Variants in MBD2 observed in about 807,000 individuals in gnomAD.
MBD2 encodes methyl-CpG-binding domain protein 2.
MBD2 carries 9 observed loss-of-function variants against 39.3 expected under a neutral mutation model. That is an observed-to-expected ratio of 0.23 (90% CI 0.14 to 0.40). MBD2 has a LOEUF of 0.40. Ranked by LOEUF, MBD2 falls within the 10% of genes least tolerant of loss-of-function variation. The probability of loss-of-function intolerance (pLI) is 1.00; values close to 1 mark genes in which losing one functional copy is unlikely to be tolerated. For synonymous variants in MBD2, 233 were observed against 211.1 expected, an observed-to-expected ratio of 1.10 and a Z score of -0.90; for missense variants, 458 against 532.6, an observed-to-expected ratio of 0.86 and a Z score of 1.38.
intron 6 of MBD2, among the ~76,000 whole-genome samples, chr18:54,158,953 A>G (rs2086074272): frequency 6.6e-6 from 1 of 152,188 alleles, no homozygotes; most frequent in African/African-American, 2.4e-5. Context: ...TTTAAGGTAA[A>G]GTATTTATTA....
chr18:54,209,008 T>TG (rs892326306), intron 1 of MBD2, among the ~76,000 whole-genome samples: 2 of 151,942 alleles, frequency 1.3e-5, no homozygotes, highest in Admixed American at 6.6e-5. Flanking sequence ...AAAAATGAAA[T>TG]GGGGGGCCAG....
chr18:54,187,463 C>T (rs2086293357), intron 3 of MBD2, among the ~76,000 whole-genome samples: 1 of 152,178 alleles, frequency 6.6e-6, no homozygotes, highest in Non-Finnish European at 1.5e-5. Context: ...TAGACAGTAT[C>T]TGAGAAAGAA....
At chr18:54,184,323 T>C (rs1053930539) in intron 3 of MBD2, among the ~76,000 whole-genome samples, 4 of 152,030 alleles carry the variant, frequency 2.6e-5, no homozygotes, top group Non-Finnish European at 4.4e-5. Flanking sequence ...GCGAACCCCA[T>C]TGTGCTCTGC....
At chr18:54,187,707 C>A in intron 3 of MBD2, 9 of 985,874 alleles carry the variant, frequency 9.1e-6, no homozygotes, top group Non-Finnish European at 1.1e-5. Context: ...GGATGTGATA[C>A]ACTTACATGG....
chr18:54,186,460 A>G (rs10502986), intron 3 of MBD2, among the ~76,000 whole-genome samples: 30,893 of 152,182 alleles, frequency 0.2, 4,112 homozygotes, highest in East Asian at 0.4. Flanking sequence ...GTCATCTACC[A>G]TATGTATATC....
At chr18:54,197,179 C>T in intron 2 of MBD2, among the ~76,000 whole-genome samples, 1 of 152,294 alleles carries the variant, frequency 6.6e-6, no homozygotes, top group South Asian at 2.1e-4. Context: ...CATCATCATC[C>T]CCACCTGGAC....
At chr18:54,169,502 G>A (rs549881208) in intron 3 of MBD2, among the ~76,000 whole-genome samples, 8 of 152,244 alleles carry the variant, frequency 5.3e-5, no homozygotes, top group South Asian at 4.1e-4. Context: ...TTTCTTTGGC[G>A]ATTCTGTTCA....
At chr18:54,212,249 A>C (rs1330341907) in intron 1 of MBD2, among the ~76,000 whole-genome samples, 2 of 152,184 alleles carry the variant, frequency 1.3e-5, no homozygotes, top group Non-Finnish European at 2.9e-5. Context: ...CCAAGAGCCC[A>C]GAAATACCAA....
chr18:54,180,536 A>C (rs1313596796), intron 3 of MBD2, among the ~76,000 whole-genome samples: 3 of 152,166 alleles, frequency 2.0e-5, no homozygotes, highest in Admixed American at 2.0e-4. Flanking sequence ...GAGAGAGAGA[A>C]CTATGTAGTC....
At chr18:54,168,794 C>T (rs1223327019) in intron 3 of MBD2, among the ~76,000 whole-genome samples, 1 of 151,718 alleles carries the variant, frequency 6.6e-6, no homozygotes, top group Non-Finnish European at 1.5e-5. Flanking sequence ...CCAACACTCA[C>T]TCAAAGCTAA....
chr18:54,211,054 G>C (rs2144341096), intron 1 of MBD2, among the ~76,000 whole-genome samples: 1 of 151,018 alleles, frequency 6.6e-6, no homozygotes, highest in South Asian at 2.1e-4. Flanking sequence ...TGTATTTTTA[G>C]TAGAGACGGG....
chr18:54,204,865 C>T, intron 2 of MBD2, 133 bp downstream of exon 2: 1 of 737,132 alleles, frequency 1.4e-6, no homozygotes, highest in Non-Finnish European at 2.3e-6. Flanking sequence ...CTTGCTGGGA[C>T]AGGGTGGGCA....
At chr18:54,179,689 T>A (rs1334716942) in intron 3 of MBD2, among the ~76,000 whole-genome samples, 1 of 152,180 alleles carries the variant, frequency 6.6e-6, no homozygotes, top group Non-Finnish European at 1.5e-5. Context: ...TATCCATTCA[T>A]AAGAAATATT....
At chr18:54,202,825 T>C in intron 2 of MBD2, 1 of 1,535,148 alleles carries the variant, frequency 6.5e-7, no homozygotes, top group South Asian at 1.1e-5. Context: ...GTCCCTGCCC[T>C]CATGGAGCTC....
chr18:54,192,241 T>C (rs1225405639), intron 2 of MBD2, among the ~76,000 whole-genome samples: 1 of 152,206 alleles, frequency 6.6e-6, no homozygotes, highest in African/African-American at 2.4e-5. Flanking sequence ...GCTTTTAATG[T>C]TTTTGTTCTT....
rs576646804 is a variant in MBD2, at chr18:54,158,914, C to A, written c.*12+851G>T. Among the ~76,000 whole-genome samples, 13 of 152,272 alleles carry A rather than the reference C, an allele frequency of 8.5e-5. 1 individual carries two copies. The South Asian group carries it at 2.7e-3, about 32-fold the overall frequency. ...AAGCGCTGAGATTACAGGCATGAGC[C>A]ACCAAACCCAGCCTAAAAATGTGTA... On this transcript the variant is annotated intron_variant, in intron 6 of 6. Transcript: ENST00000256429.
intron 3 of MBD2, among the ~76,000 whole-genome samples, chr18:54,170,440 C>G (rs2086172058): frequency 6.6e-6 from 1 of 152,192 alleles, no homozygotes; most frequent in African/African-American, 2.4e-5. Flanking sequence ...CCACCATTCA[C>G]AGACACCGAT....
At chr18:54,177,672 G>A (rs1300127877) in intron 3 of MBD2, among the ~76,000 whole-genome samples, 1 of 151,722 alleles carries the variant, frequency 6.6e-6, no homozygotes, top group Admixed American at 6.6e-5. Flanking sequence ...AGTAGGGACG[G>A]GGGTTTCACT....
At chr18:54,200,248 A>G (rs933512440) in intron 2 of MBD2, among the ~76,000 whole-genome samples, 8 of 152,110 alleles carry the variant, frequency 5.3e-5, no homozygotes, top group African/African-American at 1.9e-4. Flanking sequence ...AAAACTAAAA[A>G]ATAATTTGTT....
Sources: gnomAD v4.1 joint callset for allele counts (sites outside exome capture counted in the v4.1 genomes callset) on GRCh38, gnomAD v4.1.1 for gene constraint, MANE v1.5 for transcripts, NCBI Gene and HGNC (gene_info 2026-07-23, HGNC 2026-07-21) for gene names.